CREBRF: variants seen among roughly 807,000 people sequenced by gnomAD.
CREBRF encodes UPF0474 protein C5orf41.
CREBRF carries 5 observed loss-of-function variants against 66.1 expected under a neutral mutation model. That is an observed-to-expected ratio of 0.08 (90% confidence interval 0.04 to 0.16). The LOEUF (loss-of-function observed/expected upper bound fraction) is 0.16, where lower values mean the gene tolerates loss of function less well. Among genes scored for constraint, CREBRF ranks in the 10% least tolerant of loss-of-function variants. The pLI, the probability that CREBRF is intolerant of heterozygous loss-of-function variation, is 1.00. For missense variants in CREBRF, 531 were observed against 744.9 expected (o/e 0.71, Z 3.34); for synonymous variants, 229 against 264.4 (o/e 0.87, Z 1.30).
At chr5:173,079,755 A>G (rs1581669260) in intron 1 of CREBRF, among the ~76,000 whole-genome samples, 1 of 152,198 alleles carries the variant, frequency 6.6e-6, no homozygotes, top group Non-Finnish European at 1.5e-5. Context: ...TTGCTGATGT[A>G]GTACTGCTGA....
At chr5:173,063,036 C>T (rs1044063057) in intron 1 of CREBRF, among the ~76,000 whole-genome samples, 2 of 151,962 alleles carry the variant, frequency 1.3e-5, no homozygotes, top group Non-Finnish European at 2.9e-5. Context: ...TGTGAGCCAC[C>T]GCGCCCAGCC....
chr5:173,091,255 A>G lies in CREBRF; in HGVS notation c.1076A>G (p.Glu359Gly), dbSNP rs1342910160. The change falls in exon 4 of 9, where the codon GAG (glutamate) becomes GGG (glycine). Residue 359 changes from glutamate (E) to glycine (G), a missense_variant. Around this residue, in one of 5 missense-constraint regions of CREBRF, gnomAD observed 309 missense variants for 341.4 expected, o/e 0.90. Coordinates refer to ENST00000296953, the MANE Select transcript of CREBRF (RefSeq NM_153607.3). ...PTKCSPEEDE[E>G]DEEDVDDEDH... Reference sequence around the variant, plus strand: ...AAATGCAGTCCTGAAGAAGATGAGGAGGACGAGGAGGATGTTGATGATGAG... The same window carrying G: ...AAATGCAGTCCTGAAGAAGATGAGGGGGACGAGGAGGATGTTGATGATGAG... 3 of 1,614,008 alleles carry G rather than the reference A, an allele frequency of 1.9e-6. No individual in the cohort carries two copies. Among genetic ancestry groups the G allele is most frequent in the South Asian group, 1.1e-5 (1 of 91,074 alleles).
chr5:173,109,130 A>G (rs1398361723), intron 5 of CREBRF: 1 of 254,030 alleles, frequency 3.9e-6, no homozygotes, highest in African/African-American at 2.2e-5. Context: ...CACAGTTGGT[A>G]TAACCAGAAG....
intron 6 of CREBRF, among the ~76,000 whole-genome samples, chr5:173,111,205 G>A (rs778437469): frequency 2.6e-5 from 4 of 151,916 alleles, no homozygotes; most frequent in African/African-American, 9.7e-5. Context: ...TTCTGTCTCC[G>A]TAGTTTTGCC....
At chr5:173,068,099 G>T in intron 1 of CREBRF, 1 of 453,098 alleles carries the variant, frequency 2.2e-6, no homozygotes, top group Non-Finnish European at 4.4e-6. Flanking sequence ...AGTTTTATTA[G>T]CATAATAACT....
intron 7 of CREBRF, among the ~76,000 whole-genome samples, chr5:173,115,715 G>T (rs1386910728): frequency 6.6e-6 from 1 of 151,906 alleles, no homozygotes; most frequent in Non-Finnish European, 1.5e-5. Context: ...TCAGCTCACT[G>T]CAAGCTCCGC....
At chr5:173,110,374 T>C (rs892537506) in intron 5 of CREBRF, 148 bp from the exon 6 acceptor site, 2 of 721,404 alleles carry the variant, frequency 2.8e-6, no homozygotes, top group Non-Finnish European at 5.1e-6. Flanking sequence ...CTAGGATAGA[T>C]TGTTAAACAT....
rs1477190980 is a variant in CREBRF, at chr5:173,086,416, G to A, written c.10-85G>A. On this transcript the variant is annotated intron_variant, in intron 2 of 8. Coordinates refer to ENST00000296953, the MANE Select transcript of CREBRF (RefSeq NM_153607.3). ...TTTTCTGAAAAGAATAAGTTACTTA[G>A]TGGGGGTGGGGTTGGGGCTCATATG... 10 of 1,176,114 alleles carry A rather than the reference G, an allele frequency of 8.5e-6. No homozygotes were observed. The African/African-American group carries it at 1.5e-4, about 18-fold the overall frequency. The allele number at this position is 1,176,114 out of a possible 1,614,324, so 72.9% of individuals were successfully genotyped here. A position where few individuals can be genotyped will look rare whatever the true frequency, so the allele number is the denominator to read the frequency against.
At chr5:173,080,411 T>G (rs1757906517) in intron 1 of CREBRF, among the ~76,000 whole-genome samples, 174 bp from the exon 2 acceptor site, 1 of 152,106 alleles carries the variant, frequency 6.6e-6, no homozygotes, top group Non-Finnish European at 1.5e-5. Context: ...ATGGTAAATT[T>G]CAGAATAGTA....
chr5:173,087,846 C>T (rs368412741), intron 3 of CREBRF, among the ~76,000 whole-genome samples: 25 of 151,918 alleles, frequency 1.6e-4, no homozygotes, highest in Non-Finnish European at 2.9e-4. Flanking sequence ...TTATTTGGGA[C>T]GGAGTCTCGC....
chr5:173,082,908 C>CAAAAAAAAAAAAAAAA (rs70984937), intron 2 of CREBRF, among the ~76,000 whole-genome samples: 8 of 28,984 alleles, frequency 2.8e-4, no homozygotes, highest in Non-Finnish European at 4.3e-4. Flanking sequence ...GACTCTGTCT[C>CAAAAAAAAAAAAAAAA]AAAAAAAAAA....
intron 7 of CREBRF, among the ~76,000 whole-genome samples, chr5:173,118,034 C>T (rs1325659494): frequency 1.3e-5 from 2 of 152,098 alleles, no homozygotes; most frequent in African/African-American, 4.8e-5. Flanking sequence ...CCACCACGCC[C>T]AGCTAATTTT....
intron 7 of CREBRF, among the ~76,000 whole-genome samples, chr5:173,117,831 C>G (rs1168398655): frequency 6.6e-6 from 1 of 150,934 alleles, no homozygotes; most frequent in Non-Finnish European, 1.5e-5. Context: ...GTGCCTCAGC[C>G]TCCCAAGTAG....
intron 7 of CREBRF, among the ~76,000 whole-genome samples, chr5:173,121,965 A>G (rs1759148717): frequency 6.6e-6 from 1 of 151,498 alleles, no homozygotes; most frequent in Admixed American, 6.6e-5. Flanking sequence ...CCTGGGCTAA[A>G]GCCATTCCCC....
chr5:173,117,872 G>T (rs1759044118), intron 7 of CREBRF, among the ~76,000 whole-genome samples: 2 of 132,184 alleles, frequency 1.5e-5, no homozygotes, highest in Non-Finnish European at 3.3e-5. Flanking sequence ...CACCACACCT[G>T]ACTGATTTTT....
intron 4 of CREBRF, among the ~76,000 whole-genome samples, chr5:173,107,253 T>C (rs1392418278): frequency 2.0e-5 from 3 of 152,352 alleles, no homozygotes; most frequent in South Asian, 2.1e-4. Context: ...TTTTTACTTA[T>C]GGCCAATGCT....
At chr5:173,131,330 A>T (rs151005997) in intron 8 of CREBRF, among the ~76,000 whole-genome samples, 29 of 152,308 alleles carry the variant, frequency 1.9e-4, no homozygotes, top group African/African-American at 7.0e-4. Flanking sequence ...GTGCTTCAAC[A>T]TTGATATAAT....
rs370129941 is a variant in CREBRF, at chr5:173,075,575, A to G, written c.-191-5010A>G. On this transcript the variant is annotated intron_variant, in intron 1 of 8. Transcript: ENST00000296953. ...TGAAGTATAGCAGGATGGATAGAAT[A>G]TGAGGCAGATGGGTCCTAGTTTGCT... Among the ~76,000 whole-genome samples the G allele has an allele frequency of 2.0e-4, 31 of 152,318 alleles. 2 individuals carry two copies. Among genetic ancestry groups the G allele is most frequent in the East Asian group, 1.7e-3 (9 of 5,188 alleles).
chr5:173,127,014 C>A (rs1290569109), intron 8 of CREBRF, among the ~76,000 whole-genome samples: 3 of 152,142 alleles, frequency 2.0e-5, no homozygotes, highest in Non-Finnish European at 4.4e-5. Context: ...AAGGTCAAGG[C>A]TTCAATGAGC....
Sources: allele counts gnomAD v4.1 joint callset (sites outside exome capture counted in the v4.1 genomes callset), GRCh38; gene constraint gnomAD v4.1.1; regional missense constraint gnomAD v4.1.1; transcripts MANE v1.5; gene names NCBI Gene and HGNC (gene_info 2026-07-23, HGNC 2026-07-21).